KCNH5: variants seen among roughly 807,000 people sequenced by gnomAD.
KCNH5 encodes voltage-gated delayed rectifier potassium channel KCNH5.
Under a neutral mutation model 96.1 loss-of-function variants are expected in KCNH5, and 46 were observed. The ratio of observed to expected loss-of-function variants is 0.48; its 90% CI spans 0.38 to 0.61. The LOEUF is 0.61. Ranked by LOEUF, KCNH5 falls within the 20% of genes least tolerant of loss-of-function variation. KCNH5 has a pLI of 0.00. For synonymous variants in KCNH5, 439 were observed against 449.8 expected, an observed-to-expected ratio of 0.98 and a Z score of 0.30; for missense variants, 907 against 1,225.8, an observed-to-expected ratio of 0.74 and a Z score of 3.88.
intron 10 of KCNH5, among the ~76,000 whole-genome samples, chr14:62,768,651 C>A (rs1355257423): frequency 6.6e-6 from 1 of 152,076 alleles, no homozygotes; most frequent in Non-Finnish European, 1.5e-5. Context: ...TGGTTAAATA[C>A]TTTTCTATCT....
chr14:62,800,516 A>C (rs1368138069), intron 9 of KCNH5, among the ~76,000 whole-genome samples: 1 of 152,210 alleles, frequency 6.6e-6, no homozygotes, highest in Non-Finnish European at 1.5e-5. Context: ...AGTTGTAATG[A>C]AGAAAACGGG....
chr14:62,886,205 G>T (rs2140080985), intron 7 of KCNH5, among the ~76,000 whole-genome samples: 1 of 151,964 alleles, frequency 6.6e-6, no homozygotes, highest in Admixed American at 6.6e-5. Flanking sequence ...CTTTGGAACA[G>T]ATGTGCCCAA....
chr14:62,878,248 A>G (rs1445132686), intron 7 of KCNH5, among the ~76,000 whole-genome samples: 1 of 151,738 alleles, frequency 6.6e-6, no homozygotes, highest in Non-Finnish European at 1.5e-5. Context: ...CCTAATGCTA[A>G]ATGACTAGTT....
At chr14:62,860,258 A>T (rs1888006961) in intron 7 of KCNH5, among the ~76,000 whole-genome samples, 1 of 152,184 alleles carries the variant, frequency 6.6e-6, no homozygotes, top group Non-Finnish European at 1.5e-5. Context: ...ACTGTGATTC[A>T]TCTATGGGGG....
intron 7 of KCNH5, among the ~76,000 whole-genome samples, chr14:62,886,828 A>G (rs1189002222): frequency 1.3e-5 from 2 of 152,214 alleles, no homozygotes; most frequent in African/African-American, 4.8e-5. Flanking sequence ...TGATTTAAAA[A>G]AGGGAGGAAC....
chr14:62,941,599 T>C (rs1004083712), intron 7 of KCNH5, among the ~76,000 whole-genome samples: 1 of 152,174 alleles, frequency 6.6e-6, no homozygotes, highest in African/African-American at 2.4e-5. Context: ...ACACAAAGAA[T>C]TGACCCAGTT....
intron 7 of KCNH5, among the ~76,000 whole-genome samples, chr14:62,850,731 C>G (rs905822040): frequency 4.6e-5 from 7 of 152,098 alleles, no homozygotes; most frequent in Non-Finnish European, 8.8e-5. Flanking sequence ...AACAAACTTC[C>G]AATCTTCAAT....
intron 10 of KCNH5, among the ~76,000 whole-genome samples, chr14:62,752,819 G>A (rs1885531808): frequency 6.6e-6 from 1 of 152,142 alleles, no homozygotes; most frequent in African/African-American, 2.4e-5. Context: ...CTGCCACCTT[G>A]TGAAGAAGGT....
chr14:62,846,044 C>T (rs1009403535), intron 8 of KCNH5, among the ~76,000 whole-genome samples: 4 of 152,194 alleles, frequency 2.6e-5, no homozygotes, highest in Non-Finnish European at 4.4e-5. Context: ...ACACACCTCC[C>T]AGAATCATAC....
In KCNH5 at chr14:62,700,275, A is replaced by G. The variant is rs1252482344; in HGVS notation, c.*7233T>C. 2.0e-5 allele frequency: 3 copies of G among 152,210 alleles called. No homozygotes were observed. Among genetic ancestry groups the G allele is most frequent in the Non-Finnish European group, 2.9e-5 (2 of 68,018 alleles). The allele number at this position is 152,210 out of a possible 1,614,324, so 9.4% of individuals were successfully genotyped here. A position where few individuals can be genotyped will look rare whatever the true frequency, so the allele number is the denominator to read the frequency against. Reference sequence around the variant, plus strand: ...TTCAACAAACTACAATGGATGTTTTAGGGTAAAAAAATGGTTCTAAACTGG... The same window carrying G: ...TTCAACAAACTACAATGGATGTTTTGGGGTAAAAAAATGGTTCTAAACTGG... On this transcript the variant is annotated 3_prime_UTR_variant, in exon 11 of 11. Transcript: ENST00000322893.
chr14:62,742,123 A>G (rs1445369687), intron 10 of KCNH5, among the ~76,000 whole-genome samples: 2 of 152,164 alleles, frequency 1.3e-5, no homozygotes, highest in South Asian at 4.1e-4. Context: ...AGAGTACAAC[A>G]TATTTTAGAA....
intron 10 of KCNH5, among the ~76,000 whole-genome samples, chr14:62,737,082 G>T (rs560499016): frequency 1.3e-5 from 2 of 152,182 alleles, no homozygotes; most frequent in Non-Finnish European, 1.5e-5. Flanking sequence ...TTTTAATGAG[G>T]TCTAATTATC....
At chr14:62,920,709 T>C (rs1235563494) in intron 7 of KCNH5, among the ~76,000 whole-genome samples, 1 of 152,096 alleles carries the variant, frequency 6.6e-6, no homozygotes, top group African/African-American at 2.4e-5. Flanking sequence ...GAGTCATAAA[T>C]CATGAAATCT....
chr14:62,868,740 T>C (rs1194306268), intron 7 of KCNH5, among the ~76,000 whole-genome samples: 2 of 152,064 alleles, frequency 1.3e-5, no homozygotes, highest in Non-Finnish European at 1.5e-5. Context: ...CCTGTGTCCA[T>C]GTGTTCTCAT....
At chr14:62,891,237 G>C (rs934177846) in intron 7 of KCNH5, among the ~76,000 whole-genome samples, 3 of 152,150 alleles carry the variant, frequency 2.0e-5, no homozygotes, top group South Asian at 2.1e-4. Flanking sequence ...AAAAAACAAT[G>C]AGATCATGTC....
chr14:62,929,168 G>C (rs1255719042), intron 7 of KCNH5, among the ~76,000 whole-genome samples: 1 of 151,386 alleles, frequency 6.6e-6, no homozygotes, highest in Non-Finnish European at 1.5e-5. Context: ...AAAAACTCTT[G>C]GAGTCATCTC....
chr14:62,941,480 C>G (rs1282126483), intron 7 of KCNH5, among the ~76,000 whole-genome samples: 1 of 152,088 alleles, frequency 6.6e-6, no homozygotes, highest in East Asian at 1.9e-4. Flanking sequence ...TAAAAGGTGC[C>G]TATAACCCTG....
intron 7 of KCNH5, among the ~76,000 whole-genome samples, chr14:62,868,586 G>C (rs998899000): frequency 6.6e-6 from 1 of 151,790 alleles, no homozygotes; most frequent in Admixed American, 6.6e-5. Context: ...TAAGTTCTGG[G>C]ACATATGTGC....
rs554566441 is a variant in KCNH5 at position 62,801,618 on chromosome 14, G to A, written c.1822+711C>T. Among the ~76,000 whole-genome samples the A allele has an allele frequency of 2.0e-5, 3 of 149,966 alleles. 1 individual carries two copies. The South Asian group carries it at 6.3e-4, about 32-fold the overall frequency. On this transcript the variant is annotated intron_variant, in intron 9 of 10. Transcript: ENST00000322893. ...CTGCCCTTTTATTGTTGTGGTTGTG[G>A]TTAGTACAACTATCTACTGAATTCT...
Sources: allele counts gnomAD v4.1 joint callset (sites outside exome capture counted in the v4.1 genomes callset), GRCh38; gene constraint gnomAD v4.1.1; transcripts MANE v1.5; gene names NCBI Gene and HGNC (gene_info 2026-07-23, HGNC 2026-07-21).